The following CDH9 variants were observed in gnomAD, a reference collection of about 807,000 sequenced individuals.
CDH9 encodes the protein cadherin-9.
A neutral mutation model predicts 70.9 loss-of-function variants in CDH9; 28 were observed. The ratio of observed to expected loss-of-function variants is 0.40; its 90% CI spans 0.29 to 0.54. CDH9 has a LOEUF of 0.54. Among genes scored for constraint, CDH9 ranks in the 20% least tolerant of loss-of-function variants. The probability of loss-of-function intolerance (pLI) is 0.59; values close to 1 mark genes in which losing one functional copy is unlikely to be tolerated. For synonymous variants in CDH9, 409 were observed against 343.1 expected, an observed-to-expected ratio of 1.19 and a Z score of -2.12; for missense variants, 874 against 984.4, an observed-to-expected ratio of 0.89 and a Z score of 1.50.
At chr5:27,010,902 T>C (rs1391252020) in intron 1 of CDH9, among the ~76,000 whole-genome samples, 1 of 152,112 alleles carries the variant, frequency 6.6e-6, no homozygotes, top group Non-Finnish European at 1.5e-5. Context: ...CACTGTGGTT[T>C]TCCAGGGAGG....
chr5:26,883,335 A>G (rs918860871), intron 11 of CDH9, among the ~76,000 whole-genome samples: 1 of 151,626 alleles, frequency 6.6e-6, no homozygotes, highest in African/African-American at 2.4e-5. Context: ...ACTAATTCCC[A>G]CAAATGGTCC....
At chr5:26,891,001 A>G (rs1056036839) in intron 7 of CDH9, among the ~76,000 whole-genome samples, 4 of 152,218 alleles carry the variant, frequency 2.6e-5, no homozygotes, top group African/African-American at 9.6e-5. Context: ...CGAGAAGGCT[A>G]TTATAAAATA....
chr5:27,003,070 C>T (rs530737472), intron 1 of CDH9, among the ~76,000 whole-genome samples: 2 of 152,066 alleles, frequency 1.3e-5, no homozygotes, highest in East Asian at 1.9e-4. Flanking sequence ...TGGATCTTTT[C>T]GGATTTTGAA....
intron 2 of CDH9, among the ~76,000 whole-genome samples, chr5:26,975,061 C>T (rs1306537205): frequency 6.6e-6 from 1 of 152,124 alleles, no homozygotes; most frequent in Admixed American, 6.5e-5. Context: ...AAGATAAAGG[C>T]TGACTATGAC....
At chr5:26,889,087 GT>G (rs1250236672) in intron 9 of CDH9, among the ~76,000 whole-genome samples, 1 of 152,022 alleles carries the variant, frequency 6.6e-6, no homozygotes, top group African/African-American at 2.4e-5. Flanking sequence ...CTGTATTTCA[GT>G]TTATTTTCTA....
At chr5:27,009,449 T>G (rs1457564309) in intron 1 of CDH9, among the ~76,000 whole-genome samples, 1 of 152,124 alleles carries the variant, frequency 6.6e-6, no homozygotes, top group Non-Finnish European at 1.5e-5. Context: ...AATTTTGTCC[T>G]GTTGCCAGCC....
intron 1 of CDH9, among the ~76,000 whole-genome samples, chr5:27,004,574 A>C (rs1242431935): frequency 1.3e-5 from 2 of 152,120 alleles, no homozygotes; most frequent in African/African-American, 4.8e-5. Context: ...AACAAAAGGC[A>C]AGGAGAGACA....
At chr5:27,033,609 G>A (rs561834565) in intron 1 of CDH9, among the ~76,000 whole-genome samples, 6 of 150,016 alleles carry the variant, frequency 4.0e-5, no homozygotes, top group South Asian at 2.1e-4. Context: ...TTTCCTCTGC[G>A]GTTTACTTAC....
intron 1 of CDH9, among the ~76,000 whole-genome samples, chr5:27,019,730 T>C (rs887655873): frequency 6.6e-6 from 1 of 151,846 alleles, no homozygotes; most frequent in Non-Finnish European, 1.5e-5. Context: ...AATAAGTAAA[T>C]CAACACAAAT....
chr5:27,024,916 G>A (rs1031997787), intron 1 of CDH9, among the ~76,000 whole-genome samples: 2 of 151,992 alleles, frequency 1.3e-5, no homozygotes, highest in African/African-American at 4.8e-5. Context: ...CGGATCAAAA[G>A]TCATAAATAC....
intron 1 of CDH9, among the ~76,000 whole-genome samples, chr5:26,997,705 A>AT (rs1304804240): frequency 1.7e-5 from 2 of 117,958 alleles, no homozygotes; most frequent in Non-Finnish European, 1.9e-5. Flanking sequence ...AACAAATGGT[A>AT]ATTTTTTTTT....
chr5:27,031,791 A>T (rs766401906), intron 1 of CDH9, among the ~76,000 whole-genome samples: 1 of 151,876 alleles, frequency 6.6e-6, no homozygotes, highest in Non-Finnish European at 1.5e-5. Context: ...ATGGACTCCC[A>T]CGCCTCTCGT....
At chr5:26,889,685 T>A (rs985080931) in intron 9 of CDH9, 151 bp downstream of exon 9, 1 of 504,544 alleles carries the variant, frequency 2.0e-6, no homozygotes, top group Non-Finnish European at 3.5e-6. Flanking sequence ...TTTTAAAAAA[T>A]CACTGTGAGT....
intron 3 of CDH9, among the ~76,000 whole-genome samples, chr5:26,914,049 T>A (rs1399736627): frequency 6.6e-6 from 1 of 152,014 alleles, no homozygotes; most frequent in Non-Finnish European, 1.5e-5. Context: ...TTTGAAATAC[T>A]TTGTGTATTC....
intron 5 of CDH9, among the ~76,000 whole-genome samples, chr5:26,904,205 T>C (rs1740906935): frequency 6.6e-6 from 1 of 151,630 alleles, no homozygotes; most frequent in Non-Finnish European, 1.5e-5. Flanking sequence ...TATTCAATTA[T>C]TTTTTTTAAA....
intron 2 of CDH9, among the ~76,000 whole-genome samples, chr5:26,952,504 A>T (rs113884646): frequency 0.031 from 3,768 of 121,412 alleles, 241 homozygotes; most frequent in African/African-American, 0.11. Context: ...GCGTGGTGGG[A>T]GGCGCCTGTG....
At chr5:27,034,430 C>T (rs1214649056) in intron 1 of CDH9, among the ~76,000 whole-genome samples, 1 of 151,618 alleles carries the variant, frequency 6.6e-6, no homozygotes, top group Non-Finnish European at 1.5e-5. Context: ...ATGCTTATTT[C>T]TCCTGCAATT....
At chr5:27,014,587 C>G (rs1743013851) in intron 1 of CDH9, among the ~76,000 whole-genome samples, 1 of 151,790 alleles carries the variant, frequency 6.6e-6, no homozygotes, top group Non-Finnish European at 1.5e-5. Flanking sequence ...CTATGATAGA[C>G]AGTTTTTATT....
chr5:27,000,782 A>C (rs1300395659), intron 1 of CDH9, among the ~76,000 whole-genome samples: 1 of 152,190 alleles, frequency 6.6e-6, no homozygotes, highest in Non-Finnish European at 1.5e-5. Flanking sequence ...CTCAGTAATT[A>C]AATGAAATTA....
Sources: allele counts gnomAD v4.1 joint callset (sites outside exome capture counted in the v4.1 genomes callset), GRCh38; gene constraint gnomAD v4.1.1; transcripts MANE v1.5; gene names NCBI Gene and HGNC (gene_info 2026-07-23, HGNC 2026-07-21).